The following EPHA3 variants were observed in gnomAD, a reference collection of about 807,000 sequenced individuals.
EPHA3 encodes EPH receptor A3.
Under a neutral mutation model 107.1 loss-of-function variants are expected in EPHA3, and 42 were observed. That is an observed-to-expected ratio of 0.39 (90% confidence interval 0.31 to 0.51). EPHA3 has a LOEUF of 0.51. Ranked by LOEUF, EPHA3 falls within the 20% of genes least tolerant of loss-of-function variation. The pLI is 0.78. For missense variants in EPHA3, 1,183 were observed against 1,211.2 expected (o/e 0.98, Z 0.35); for synonymous variants, 461 against 424.8 (o/e 1.09, Z -1.05).
intron 2 of EPHA3, among the ~76,000 whole-genome samples, chr3:89,128,925 T>C (rs776088695): frequency 5.3e-5 from 8 of 152,076 alleles, no homozygotes; most frequent in Admixed American, 6.6e-5. Flanking sequence ...AGTTGGCACA[T>C]CTACTTCCAG....
At chr3:89,270,373 A>G (rs1705640090) in intron 3 of EPHA3, among the ~76,000 whole-genome samples, 1 of 151,968 alleles carries the variant, frequency 6.6e-6, no homozygotes, top group Non-Finnish European at 1.5e-5. Context: ...CAGGACTTCC[A>G]CGCACTGTCT....
At chr3:89,454,503 G>A (rs552614655) in intron 15 of EPHA3, among the ~76,000 whole-genome samples, 3 of 151,976 alleles carry the variant, frequency 2.0e-5, no homozygotes, top group African/African-American at 4.8e-5. Flanking sequence ...TGGCTGTTTC[G>A]TCTTCTGACC....
At chr3:89,393,781 AT>A (rs66531830) in intron 5 of EPHA3, among the ~76,000 whole-genome samples, 47,051 of 151,390 alleles carry the variant, frequency 0.31, 9,216 homozygotes, top group South Asian at 0.53. Context: ...GCAAAAATAA[AT>A]TTTTTTTTAA....
chr3:89,326,752 A>G (rs1252293870), intron 3 of EPHA3, among the ~76,000 whole-genome samples: 1 of 152,028 alleles, frequency 6.6e-6, no homozygotes, highest in Admixed American at 6.6e-5. Context: ...TAGATGCAGA[A>G]CCCATAAATA....
chr3:89,377,835 A>T (rs747306844), intron 5 of EPHA3, among the ~76,000 whole-genome samples: 9 of 152,162 alleles, frequency 5.9e-5, no homozygotes, highest in Non-Finnish European at 1.2e-4. Context: ...TTTCATACAG[A>T]TCTTTTTTTC....
chr3:89,318,087 G>A (rs368773778), intron 3 of EPHA3, among the ~76,000 whole-genome samples: 1 of 151,778 alleles, frequency 6.6e-6, no homozygotes, highest in Non-Finnish European at 1.5e-5. Flanking sequence ...CCAGACATCA[G>A]CATACTTCCA....
In EPHA3 at chr3:89,458,523, TG is replaced by T. The variant is rs546749010; in HGVS notation, c.2690+8156del. Among the ~76,000 whole-genome samples, 255 of 152,230 alleles carry T rather than the reference TG, an allele frequency of 1.7e-3. 1 individual carries two copies. The highest frequency in any genetic ancestry group is 6.0e-3 in the African/African-American group (248 of 41,538). On this transcript the variant is annotated intron_variant, in intron 15 of 16. Transcript: ENST00000336596. ...AATAATAGAAGGATTTATAATCCAT[TG>T]GGTATATACCCAGTAATGGGATTGC...
intron 3 of EPHA3, among the ~76,000 whole-genome samples, chr3:89,283,950 G>A (rs559755712): frequency 1.8e-4 from 27 of 151,908 alleles, no homozygotes; most frequent in Admixed American, 4.6e-4. Flanking sequence ...GTATTTTAGT[G>A]GAATACTAAA....
chr3:89,274,431 A>G (rs777780345), intron 3 of EPHA3, among the ~76,000 whole-genome samples: 1 of 151,974 alleles, frequency 6.6e-6, no homozygotes, highest in Non-Finnish European at 1.5e-5. Flanking sequence ...AATAAGCAGT[A>G]TATTTAGGGA....
intron 3 of EPHA3, among the ~76,000 whole-genome samples, chr3:89,253,534 T>C (rs1256434420): frequency 1.3e-5 from 2 of 152,186 alleles, no homozygotes; most frequent in Non-Finnish European, 2.9e-5. Context: ...CTTGAAAGTA[T>C]ATGCATATAT....
intron 5 of EPHA3, among the ~76,000 whole-genome samples, chr3:89,356,201 T>C (rs945793426): frequency 1.3e-5 from 2 of 150,996 alleles, no homozygotes; most frequent in Non-Finnish European, 3.0e-5. Flanking sequence ...CCATGGTGTA[T>C]ATGTGCCACA....
chr3:89,331,365 TA>T (rs1225855366), intron 3 of EPHA3, among the ~76,000 whole-genome samples: 2 of 152,184 alleles, frequency 1.3e-5, no homozygotes, highest in Non-Finnish European at 2.9e-5. Context: ...CTTTTTCCTG[TA>T]AAAATATTAT....
intron 3 of EPHA3, among the ~76,000 whole-genome samples, chr3:89,280,955 T>A (rs1397001484): frequency 6.6e-6 from 1 of 151,942 alleles, no homozygotes; most frequent in East Asian, 1.9e-4. Flanking sequence ...CTAAATACCA[T>A]CCATGGTGTT....
At chr3:89,403,474 A>G (rs1289360833) in intron 7 of EPHA3, among the ~76,000 whole-genome samples, 4 of 152,116 alleles carry the variant, frequency 2.6e-5, no homozygotes, top group Non-Finnish European at 4.4e-5. Context: ...GAAGTCTTGA[A>G]CCGTGCAATT....
rs1222977051 is a variant in EPHA3, at chr3:89,157,909, G to A, written c.153+30636G>A. Among the ~76,000 whole-genome samples the A allele has an allele frequency of 5.9e-5, 9 of 151,580 alleles. No individual in the cohort carries two copies. The East Asian group carries it at 1.4e-3, about 23-fold the overall frequency. On this transcript the variant is annotated intron_variant, in intron 2 of 16. Coordinates refer to ENST00000336596, the MANE Select transcript of EPHA3 (RefSeq NM_005233.6). ...GTCAGGGGAAAGAGAGAGTTAATGG[G>A]CAGGGCTGAAATTTTAAATAGAATC...
At chr3:89,121,735 G>A (rs556318289) in intron 1 of EPHA3, among the ~76,000 whole-genome samples, 2 of 141,992 alleles carry the variant, frequency 1.4e-5, no homozygotes, top group East Asian at 2.1e-4. Flanking sequence ...CCAGCCTGGC[G>A]ACACAGGGAG....
At chr3:89,213,559 G>A (rs139148125) in intron 3 of EPHA3, among the ~76,000 whole-genome samples, 51 of 151,970 alleles carry the variant, frequency 3.4e-4, no homozygotes, top group East Asian at 1.9e-3. Flanking sequence ...CTGACTTCTC[G>A]TTAGAATAAC....
At chr3:89,425,766 T>C (rs1576371597) in intron 11 of EPHA3, among the ~76,000 whole-genome samples, 1 of 148,842 alleles carries the variant, frequency 6.7e-6, no homozygotes, top group East Asian at 1.9e-4. Context: ...TATTCTACTC[T>C]ATAAGAAATG....
chr3:89,186,276 C>T lies in EPHA3; in HGVS notation c.154-23584C>T, dbSNP rs140112221. 4.7e-3 allele frequency among the ~76,000 whole-genome samples: 720 copies of T among 152,104 alleles called. 34 individuals are homozygous for T. Among genetic ancestry groups the T allele is most frequent in the Admixed American group, 0.044 (671 of 15,242 alleles). On this transcript the variant is annotated intron_variant, in intron 2 of 16. Transcript: ENST00000336596. ...TGTAACTTCCTCTACACCTAACACC[C>T]TTTACCTTGTCTTTGAGGTCCAGGG... is the stretch of plus-strand genomic sequence containing the variant.
Sources: gnomAD v4.1 joint callset for allele counts (sites outside exome capture counted in the v4.1 genomes callset) on GRCh38, gnomAD v4.1.1 for gene constraint, MANE v1.5 for transcripts, NCBI Gene and HGNC (gene_info 2026-07-23, HGNC 2026-07-21) for gene names.